DPY19L1: variants seen among roughly 807,000 people sequenced by gnomAD.
DPY19L1 encodes protein C-mannosyl-transferase DPY19L1.
In DPY19L1, 35 loss-of-function variants were observed where a neutral mutation model predicts 96.9. That is an observed-to-expected ratio of 0.36 (90% confidence interval 0.28 to 0.48). The LOEUF (loss-of-function observed/expected upper bound fraction) is 0.48, where lower values mean the gene tolerates loss of function less well. Among genes scored for constraint, DPY19L1 ranks in the 20% least tolerant of loss-of-function variants. DPY19L1 has a pLI of 0.99. For synonymous variants in DPY19L1, 205 were observed against 252.6 expected, an observed-to-expected ratio of 0.81 and a Z score of 1.79; for missense variants, 521 against 777.9, an observed-to-expected ratio of 0.67 and a Z score of 3.93.
intron 6 of DPY19L1, 82 bp from the exon 7 acceptor site, chr7:34,990,023 CCA>C: frequency 9.4e-7 from 1 of 1,068,840 alleles, no homozygotes; most frequent in South Asian, 1.5e-5. Context: ...AATATCATAA[CCA>C]CTGGTATTAT....
chr7:34,947,558 G>A (rs1784175409), intron 15 of DPY19L1, 72 bp downstream of exon 15: 1 of 1,302,684 alleles, frequency 7.7e-7, no homozygotes. Context: ...ATGTGGCCAA[G>A]TATATGCGAC....
intron 1 of DPY19L1, among the ~76,000 whole-genome samples, chr7:35,025,554 G>C (rs932512405): frequency 6.6e-6 from 1 of 152,098 alleles, no homozygotes; most frequent in South Asian, 2.1e-4. Flanking sequence ...ATATAACTTA[G>C]GTGTGGATTT....
Position 34,956,782 on chromosome 7 carries a change from C to T in DPY19L1, c.1179+1202G>A, listed in dbSNP as rs948277139. Among the ~76,000 whole-genome samples, 27 of 152,002 alleles carry T rather than the reference C, an allele frequency of 1.8e-4. 1 individual carries two copies. Among genetic ancestry groups the T allele is most frequent in the African/African-American group, 5.8e-4 (24 of 41,386 alleles). ...CCTCCCAAAGTGCTGGGATTAGAGG[C>T]GTGAGCCACTGCGCCTGGCCGAAAA... On this transcript the variant is annotated intron_variant, in intron 11 of 21. Transcript: ENST00000638088.
At position 34,990,233 on chromosome 7, in the gene DPY19L1, C is replaced by T. The variant is rs563367103; in HGVS notation, c.765-292G>A. On this transcript the variant is annotated intron_variant, in intron 6 of 21. Transcript: ENST00000638088. ...TTAGTAGTCATATTACTGTACATCA[C>T]GCAACCTGATATTTCTTTTTATTTT... is the stretch of plus-strand genomic sequence containing the variant. Among the ~76,000 whole-genome samples the T allele has an allele frequency of 1.1e-4, 17 of 152,304 alleles. No homozygotes were observed. In the South Asian group the frequency reaches 2.7e-3, roughly 24 times the overall value.
chr7:35,013,410 A>G (rs1785761405), intron 4 of DPY19L1, among the ~76,000 whole-genome samples, 158 bp downstream of exon 4: 1 of 152,182 alleles, frequency 6.6e-6, no homozygotes, highest in Non-Finnish European at 1.5e-5. Flanking sequence ...AAAATCAGTA[A>G]TGATCTTTTT....
chr7:34,954,685 A>T lies in DPY19L1; in HGVS notation c.1320+13T>A, dbSNP rs573585380. 4 of 1,491,998 alleles carry T rather than the reference A, an allele frequency of 2.7e-6. No homozygotes were observed. The Admixed American group carries it at 7.4e-5, about 28-fold the overall frequency. The allele number at this position is 1,491,998 out of a possible 1,614,324, so 92.4% of individuals were successfully genotyped here. A position where few individuals can be genotyped will look rare whatever the true frequency, so the allele number is the denominator to read the frequency against. On this transcript the variant is annotated intron_variant, in intron 13 of 21. Transcript: ENST00000638088. ...TTTCAAGTCTTTCAAATTTAAGTAAAAAATGCACTTACGTCATCTGCAATA... is the reference window on the plus strand; with the variant it reads ...TTTCAAGTCTTTCAAATTTAAGTAATAAATGCACTTACGTCATCTGCAATA...
Position 34,931,758 on chromosome 7 carries a change from T to C in DPY19L1, c.2091-29A>G, listed in dbSNP as rs758615560. The C allele has an allele frequency of 8.5e-5, 134 of 1,573,612 alleles. No individual in the cohort carries two copies. The Admixed American group carries it at 2.5e-3, about 29-fold the overall frequency. ...GAAAAATGAATGTACATGTTAAAAA[T>C]CAATATGCATTATATAACTGCAGAG... On this transcript the variant is annotated intron_variant, in intron 21 of 21. Transcript: ENST00000638088.
intron 1 of DPY19L1, among the ~76,000 whole-genome samples, chr7:35,034,293 T>A (rs1204613880): frequency 1.3e-5 from 2 of 152,190 alleles, no homozygotes; most frequent in African/African-American, 4.8e-5. Flanking sequence ...CATACATAAA[T>A]AGACCAACAG....
chr7:34,961,847 C>A (rs1317056318), intron 10 of DPY19L1, among the ~76,000 whole-genome samples: 1 of 152,028 alleles, frequency 6.6e-6, no homozygotes, highest in East Asian at 1.9e-4. Context: ...AAAAGATACA[C>A]AGATGGCAAA....
chr7:34,986,230 T>C (rs1240583045), intron 7 of DPY19L1, among the ~76,000 whole-genome samples: 1 of 152,006 alleles, frequency 6.6e-6, no homozygotes, highest in Non-Finnish European at 1.5e-5. Flanking sequence ...GTTTTAATGA[T>C]CTATTGTTCC....
intron 9 of DPY19L1, among the ~76,000 whole-genome samples, chr7:34,969,142 GA>G (rs1465080766): frequency 6.6e-6 from 1 of 151,774 alleles, no homozygotes; most frequent in Non-Finnish European, 1.5e-5. Flanking sequence ...AGCACTTAAC[GA>G]TACTGAATAA....
chr7:34,957,834 T>C (rs1784410314), intron 11 of DPY19L1, 150 bp downstream of exon 11: 5 of 497,600 alleles, frequency 1.0e-5, no homozygotes, highest in Middle Eastern at 3.9e-4. Context: ...GTTTTAGAAT[T>C]GAGTACTTGA....
chr7:34,980,559 T>C (rs1272163555), intron 7 of DPY19L1, among the ~76,000 whole-genome samples: 2 of 152,096 alleles, frequency 1.3e-5, no homozygotes, highest in Non-Finnish European at 2.9e-5. Flanking sequence ...ATATATTCTA[T>C]AAAGAACTCC....
chr7:35,026,227 C>T (rs1354957314), intron 1 of DPY19L1, among the ~76,000 whole-genome samples: 1 of 152,142 alleles, frequency 6.6e-6, no homozygotes, highest in Admixed American at 6.6e-5. Context: ...GTCCTGGAAA[C>T]CAGTAGTAAT....
chr7:35,035,798 C>G (rs1197513901), intron 1 of DPY19L1, among the ~76,000 whole-genome samples: 1 of 152,088 alleles, frequency 6.6e-6, no homozygotes, highest in African/African-American at 2.4e-5. Context: ...AACTGAACCG[C>G]TGTGTACTAG....
At chr7:34,962,762 T>G (rs1784526592) in intron 10 of DPY19L1, among the ~76,000 whole-genome samples, 1 of 151,958 alleles carries the variant, frequency 6.6e-6, no homozygotes, top group Non-Finnish European at 1.5e-5. Flanking sequence ...ACTACGGACT[T>G]TGGGTGATTC....
chr7:34,934,311 CTT>C (rs755533832), intron 21 of DPY19L1, among the ~76,000 whole-genome samples: 3 of 152,114 alleles, frequency 2.0e-5, no homozygotes, highest in Admixed American at 6.5e-5. Context: ...GGCAGATGCT[CTT>C]GAGTTGTTTT....
intron 1 of DPY19L1, among the ~76,000 whole-genome samples, chr7:35,019,858 T>C (rs1785951358): frequency 6.6e-6 from 1 of 152,228 alleles, no homozygotes; most frequent in African/African-American, 2.4e-5. Flanking sequence ...TTGCTTCCTT[T>C]TAGTTTCTGT....
chr7:34,970,394 T>A (rs1784699736), intron 8 of DPY19L1, among the ~76,000 whole-genome samples: 1 of 152,194 alleles, frequency 6.6e-6, no homozygotes, highest in African/African-American at 2.4e-5. Flanking sequence ...AACCTTTTAA[T>A]GAGTTATGAA....
Sources: allele counts gnomAD v4.1 joint callset (sites outside exome capture counted in the v4.1 genomes callset), GRCh38; gene constraint gnomAD v4.1.1; transcripts MANE v1.5; gene names NCBI Gene and HGNC (gene_info 2026-07-23, HGNC 2026-07-21).